BICC1: variants seen among roughly 807,000 people sequenced by gnomAD.
BICC1 encodes the protein BicC family RNA binding protein 1.
In BICC1, 43 loss-of-function variants were observed where a neutral mutation model predicts 111.0. The observed-to-expected ratio is 0.39, with a 90% CI of 0.30 to 0.50. The LOEUF is 0.50. BICC1 is among the 20% of genes least tolerant of loss of function. The probability of loss-of-function intolerance (pLI) is 0.88; values close to 1 mark genes in which losing one functional copy is unlikely to be tolerated. For missense variants in BICC1, 1,091 were observed against 1,203.2 expected (o/e 0.91, Z 1.38); for synonymous variants, 467 against 434.4 (o/e 1.07, Z -0.93).
At chr10:58,549,311 C>A (rs939675821) in intron 1 of BICC1, among the ~76,000 whole-genome samples, 2 of 152,124 alleles carry the variant, frequency 1.3e-5, no homozygotes, top group African/African-American at 4.8e-5. Context: ...CAAAGGAGCA[C>A]AATTGCTATA....
intron 3 of BICC1, among the ~76,000 whole-genome samples, chr10:58,784,619 AT>A (rs1413228790): frequency 1.3e-5 from 2 of 152,172 alleles, no homozygotes; most frequent in Non-Finnish European, 2.9e-5. Context: ...GATTAAGTGA[AT>A]TGATGCACTT....
chr10:58,610,726 A>G (rs936289746), intron 1 of BICC1, among the ~76,000 whole-genome samples: 3 of 152,102 alleles, frequency 2.0e-5, no homozygotes, highest in East Asian at 1.9e-4. Flanking sequence ...TTGTTTTTAA[A>G]CAGCCTAGAA....
intron 8 of BICC1, among the ~76,000 whole-genome samples, chr10:58,790,817 A>G (rs1843153621): frequency 6.6e-6 from 1 of 152,178 alleles, no homozygotes; most frequent in Non-Finnish European, 1.5e-5. Flanking sequence ...AAATAAATGA[A>G]ATGGAATGAA....
chr10:58,744,277 T>C (rs1841761428), intron 3 of BICC1, among the ~76,000 whole-genome samples: 1 of 152,178 alleles, frequency 6.6e-6, no homozygotes, highest in Non-Finnish European at 1.5e-5. Flanking sequence ...TAGCAGAAGA[T>C]TGCTGTTTTA....
chr10:58,755,434 A>G (rs1842117967), intron 3 of BICC1, among the ~76,000 whole-genome samples: 1 of 152,188 alleles, frequency 6.6e-6, no homozygotes, highest in African/African-American at 2.4e-5. Context: ...ATTTTAGTTT[A>G]CATTTAGTTG....
At chr10:58,521,032 C>T (rs1230592491) in intron 1 of BICC1, among the ~76,000 whole-genome samples, 1 of 152,030 alleles carries the variant, frequency 6.6e-6, no homozygotes, top group Non-Finnish European at 1.5e-5. Context: ...TTTCACTTAG[C>T]GTTGAATCAT....
intron 1 of BICC1, among the ~76,000 whole-genome samples, chr10:58,550,849 G>T (rs1246319005): frequency 6.6e-6 from 1 of 151,878 alleles, no homozygotes; most frequent in East Asian, 1.9e-4. Flanking sequence ...ATTTTAATTG[G>T]TATTAATTTT....
chr10:58,659,008 G>A (rs7090461), intron 2 of BICC1, among the ~76,000 whole-genome samples: 151,355 of 152,308 alleles, frequency 0.99, 75,212 homozygotes, highest in Middle Eastern at 1. Context: ...ATGTATACAC[G>A]TACGTATATC....
chr10:58,667,730 T>A (rs1040918932), intron 2 of BICC1, among the ~76,000 whole-genome samples: 6 of 152,032 alleles, frequency 3.9e-5, no homozygotes, highest in African/African-American at 1.4e-4. Flanking sequence ...TTCACTTGAG[T>A]CTATTTATTT....
intron 1 of BICC1, among the ~76,000 whole-genome samples, chr10:58,605,829 G>A (rs1043238567): frequency 1.3e-5 from 2 of 152,208 alleles, no homozygotes; most frequent in Admixed American, 6.5e-5. Context: ...GTGGAGCGCT[G>A]ACTCTCTATC....
rs781606575 is a variant in BICC1, at chr10:58,621,946, G to GAACAACAGAAC, written c.237+1047_237+1048insCAACAGAACAA. On this transcript the variant is annotated intron_variant, in intron 2 of 20. Transcript: ENST00000373886. ...GAATAGAATAGAATAGAATAGAATA[G>GAACAACAGAAC]AATAGAATAGAATAGAATAGAATAA... is the stretch of plus-strand genomic sequence containing the variant. 7.6e-5 allele frequency among the ~76,000 whole-genome samples: 2 copies of GAACAACAGAAC among 26,224 alleles called. 1 individual carries two copies. The highest frequency in any genetic ancestry group is 3.9e-4 in the African/African-American group (2 of 5,100). The allele number at this position is 26,224 out of a possible 152,430, so 17.2% of individuals were successfully genotyped here.
intron 14 of BICC1, among the ~76,000 whole-genome samples, chr10:58,802,538 CT>C (rs1697091018): frequency 6.6e-6 from 1 of 152,172 alleles, no homozygotes; most frequent in African/African-American, 2.4e-5. Flanking sequence ...GCCTGTCCCC[CT>C]CAACAGACTT....
chr10:58,550,958 G>A lies in BICC1; in HGVS notation c.190+37625G>A, dbSNP rs1023709756. ...TTAGACATTTTATCTCCTTCATCTTGTCATCAGCTTTTAACATTCCACATC... is the reference window on the plus strand; with the variant it reads ...TTAGACATTTTATCTCCTTCATCTTATCATCAGCTTTTAACATTCCACATC... On this transcript the variant is annotated intron_variant, in intron 1 of 20. Coordinates refer to ENST00000373886, the MANE Select transcript of BICC1 (RefSeq NM_001080512.3). Among the ~76,000 whole-genome samples the A allele has an allele frequency of 5.3e-5, 8 of 152,204 alleles. No homozygotes were observed. In the South Asian group the frequency reaches 1.5e-3, roughly 28 times the overall value.
chr10:58,534,301 A>T (rs1649076), intron 1 of BICC1, among the ~76,000 whole-genome samples: 69,614 of 151,460 alleles, frequency 0.46, 17,053 homozygotes, highest in Admixed American at 0.62. Flanking sequence ...CATAGGAACT[A>T]AACAGAAAAA....
intron 2 of BICC1, among the ~76,000 whole-genome samples, chr10:58,700,955 A>G (rs543293054): frequency 2.6e-4 from 39 of 152,336 alleles, no homozygotes; most frequent in African/African-American, 9.1e-4. Context: ...TGAATAGACA[A>G]AATGCATCTG....
rs1843357092 is a variant in BICC1 at position 58,796,463 on chromosome 10, G to C, written c.1303G>C (p.Ala435Pro). ...ATSPSPASCP[A>P]GLACPSLDIL... ...CAGTCCATCCCCAGCATCCTGCCCT[G>C]CCGGCCTGGCATGTCCCAGCCTGGA... Residue 435 changes from alanine to proline, a missense_variant, in exon 10 of 21, where the codon GCC (alanine) becomes CCC (proline). Coordinates refer to ENST00000373886, the MANE Select transcript of BICC1 (RefSeq NM_001080512.3). 1 of 1,614,128 alleles carries C rather than the reference G, an allele frequency of 6.2e-7. No homozygotes were observed. Among genetic ancestry groups the C allele is most frequent in the South Asian group, 1.1e-5 (1 of 91,084 alleles).
At chr10:58,567,329 A>G (rs868606108) in intron 1 of BICC1, among the ~76,000 whole-genome samples, 1 of 152,040 alleles carries the variant, frequency 6.6e-6, no homozygotes, top group African/African-American at 2.4e-5. Context: ...CTCAAAAATT[A>G]TTTGGATGAT....
At chr10:58,515,284 T>A (rs1842212926) in intron 1 of BICC1, among the ~76,000 whole-genome samples, 1 of 152,234 alleles carries the variant, frequency 6.6e-6, no homozygotes, top group East Asian at 1.9e-4. Context: ...GGACTACGAC[T>A]GGGATACCTT....
At chr10:58,544,406 A>G (rs1023823504) in intron 1 of BICC1, among the ~76,000 whole-genome samples, 1 of 152,172 alleles carries the variant, frequency 6.6e-6, no homozygotes, top group African/African-American at 2.4e-5. Context: ...TGGCTCAGCT[A>G]CTAAATTAAA....
Sources: allele counts gnomAD v4.1 joint callset (sites outside exome capture counted in the v4.1 genomes callset), GRCh38; gene constraint gnomAD v4.1.1; transcripts MANE v1.5; gene names NCBI Gene and HGNC (gene_info 2026-07-23, HGNC 2026-07-21).